INTS6: variants seen among roughly 807,000 people sequenced by gnomAD.
The protein encoded by INTS6 is DEAD box protein.
A neutral mutation model predicts 104.9 loss-of-function variants in INTS6; 16 were observed. The observed-to-expected ratio is 0.15, with a 90% CI of 0.10 to 0.23. INTS6 has a LOEUF of 0.23. Ranked by LOEUF, INTS6 falls within the 10% of genes least tolerant of loss-of-function variation. The probability of loss-of-function intolerance (pLI) is 1.00; values close to 1 mark genes in which losing one functional copy is unlikely to be tolerated. For synonymous variants in INTS6, 324 were observed against 358.7 expected, an observed-to-expected ratio of 0.90 and a Z score of 1.09; for missense variants, 584 against 1,062.8, an observed-to-expected ratio of 0.55 and a Z score of 6.26.
chr13:51,369,101 C>G lies in INTS6; in HGVS notation c.2314G>C (p.Glu772Gln). The G allele has an allele frequency of 6.2e-7, 1 of 1,613,784 alleles. No homozygotes were observed. Among genetic ancestry groups the G allele is most frequent in the Non-Finnish European group, 8.5e-7 (1 of 1,179,822 alleles). ...TTATCTCTTGGCTCCTCATGATTTT[C>G]TAAAAATCCACCAACAGTGAGGTCA... is the stretch of plus-strand genomic sequence containing the variant. ...TNDLTVGGFL[E>Q]NHEEPRDKEQ... Residue 772 changes from glutamate (E) to glutamine (Q), a missense_variant, in exon 16 of 18, where the codon GAA (glutamate) becomes CAA (glutamine). Transcript: ENST00000311234.
intron 4 of INTS6, among the ~76,000 whole-genome samples, chr13:51,414,000 G>C (rs1476337953): frequency 6.6e-6 from 1 of 152,156 alleles, no homozygotes. Context: ...CCCAAGCAGG[G>C]ATTAGTTTCC....
At chr13:51,372,671 A>T (rs970877700) in intron 15 of INTS6, among the ~76,000 whole-genome samples, 5 of 151,936 alleles carry the variant, frequency 3.3e-5, no homozygotes, top group African/African-American at 1.2e-4. Flanking sequence ...TTCTTCTTCC[A>T]CCCACCCAGT....
At chr13:51,403,039 T>C (rs1409356261) in intron 4 of INTS6, among the ~76,000 whole-genome samples, 1 of 152,230 alleles carries the variant, frequency 6.6e-6, no homozygotes, top group Non-Finnish European at 1.5e-5. Context: ...ACCTTTTAGC[T>C]AGCTCATTGT....
chr13:51,427,189 C>T (rs1052035150), intron 4 of INTS6, among the ~76,000 whole-genome samples: 1 of 152,086 alleles, frequency 6.6e-6, no homozygotes, highest in East Asian at 1.9e-4. Flanking sequence ...ATAGGTCATA[C>T]CAACACCAGC....
intron 4 of INTS6, chr13:51,402,791 C>T (rs1189240945): frequency 6.6e-6 from 1 of 152,160 alleles, no homozygotes; most frequent in East Asian, 1.9e-4. Flanking sequence ...ATAAAACCTA[C>T]TTCTCCATTG....
rs1409477651 is a variant in INTS6, at chr13:51,361,808, A to G, written c.*3944T>C. On this transcript the variant is annotated 3_prime_UTR_variant, in exon 18 of 18. Transcript: ENST00000311234. ...AATGGAATTTTTCTTTCTTTCCTGC[A>G]GCTCTGTTGTTATTGAAAAGGTCTC... The G allele has an allele frequency of 5.7e-6, 9 of 1,583,350 alleles. No homozygotes were observed. Among genetic ancestry groups the G allele is most frequent in the Non-Finnish European group, 7.7e-6 (9 of 1,170,248 alleles).
chr13:51,406,992 T>A (rs970135768), intron 4 of INTS6, among the ~76,000 whole-genome samples: 1 of 151,784 alleles, frequency 6.6e-6, no homozygotes, highest in African/African-American at 2.4e-5. Context: ...AATGTGCCCC[T>A]GGGAAGCCAA....
At chr13:51,429,840 A>T (rs982931150) in intron 4 of INTS6, among the ~76,000 whole-genome samples, 2 of 148,552 alleles carry the variant, frequency 1.3e-5, no homozygotes, top group African/African-American at 2.5e-5. Flanking sequence ...AGAAAACAAA[A>T]ATGTCGAAAA....
At chr13:51,358,181 C>T (rs1194460967), downstream of INTS6, among the ~76,000 whole-genome samples, 1 of 152,000 alleles carries the variant, frequency 6.6e-6, no homozygotes. Context: ...GCCCCCTCTC[C>T]CTAACACTTA....
At chr13:51,367,382 C>T (rs539375849) in intron 17 of INTS6, among the ~76,000 whole-genome samples, 40 of 151,996 alleles carry the variant, frequency 2.6e-4, no homozygotes, top group Non-Finnish European at 5.3e-4. Context: ...CTGAAACAAT[C>T]AGAATAAGGC....
chr13:51,442,415 G>A (rs539645249), intron 3 of INTS6: 12 of 152,482 alleles, frequency 7.9e-5, no homozygotes, highest in African/African-American at 2.9e-4. Flanking sequence ...GGGATTACTA[G>A]GCATGAACCA....
chr13:51,451,845 G>A (rs1953060568), intron 2 of INTS6, 133 bp downstream of exon 2: 1 of 557,402 alleles, frequency 1.8e-6, no homozygotes, highest in Admixed American at 2.4e-5. Context: ...CCGCAGGGAA[G>A]AGACCTCAGC....
chr13:51,364,297 C>A lies in INTS6; in HGVS notation c.*1455G>T. On this transcript the variant is annotated 3_prime_UTR_variant, in exon 18 of 18. Transcript: ENST00000311234. ...CCCTAGACTAAATGCATGTTCTCCACTTTCATCAATGCTTTTCTTCATAAA... is the reference window on the plus strand; with the variant it reads ...CCCTAGACTAAATGCATGTTCTCCAATTTCATCAATGCTTTTCTTCATAAA... 7.1e-7 allele frequency: 1 copy of A among 1,405,174 alleles called. No individual in the cohort carries two copies. Among genetic ancestry groups the A allele is most frequent in the Non-Finnish European group, 9.6e-7 (1 of 1,038,542 alleles). 87.0% of individuals were successfully genotyped at this position (1,405,174 alleles called of 1,614,324 possible).
intron 4 of INTS6, among the ~76,000 whole-genome samples, chr13:51,398,726 G>A (rs1341811130): frequency 2.8e-5 from 4 of 141,008 alleles, no homozygotes; most frequent in Non-Finnish European, 4.6e-5. Context: ...TGTATAAGAT[G>A]TTTAAAAAAA....
At chr13:51,347,218 G>A in the INTS6 span, 62 of 1,613,608 alleles carry the variant, frequency 3.8e-5, no homozygotes, top group East Asian at 3.6e-4. Flanking sequence ...TGCACCAAAC[G>A]ACCGAGGTCA....
chr13:51,369,309 A>T lies in INTS6; in HGVS notation c.2106T>A (p.Ile702=). 6.3e-7 allele frequency: 1 copy of T among 1,595,182 alleles called. No individual in the cohort carries two copies. The highest frequency in any genetic ancestry group is 1.3e-5 in the African/African-American group (1 of 74,424). ...DLIKPLPLHK[I]SETTNDSIIH... is the part of the protein sequence containing the mutation. ...TTATCGAATCATTAGTGGTTTCTGAAACTAAAAACAAAGATACGGGGAAAA... is the reference window on the plus strand; with the variant it reads ...TTATCGAATCATTAGTGGTTTCTGATACTAAAAACAAAGATACGGGGAAAA... The change falls in exon 16 of 18, where the codon ATT becomes ATA. Residue 702 remains isoleucine (I), a splice_region_variant and synonymous_variant. Transcript: ENST00000311234.
the INTS6 span, among the ~76,000 whole-genome samples, chr13:51,347,540 T>A: frequency 6.6e-6 from 1 of 152,200 alleles, no homozygotes; most frequent in Non-Finnish European, 1.5e-5. Flanking sequence ...GCAGGCACAA[T>A]AGGCCGGGAT....
chr13:51,377,878 A>G (rs1161815182), intron 12 of INTS6, among the ~76,000 whole-genome samples: 1 of 152,108 alleles, frequency 6.6e-6, no homozygotes, highest in Non-Finnish European at 1.5e-5. Context: ...ATCTGTAACC[A>G]TGAGTACTCA....
chr13:51,374,264 G>A lies in INTS6; in HGVS notation c.2048C>T (p.Pro683Leu). Residue 683 changes from proline (P) to leucine (L), a missense_variant, in exon 15 of 18, where the codon CCT becomes CTT. Physicochemically the swap from Pro to Leu is moderately conservative, Grantham distance 98 (BLOSUM62 -3). Transcript: ENST00000311234. Reference protein sequence around the residue: ...VNNHIGGKGPPAPTTQAQPDL... With the variant: ...VNNHIGGKGPLAPTTQAQPDL... ...TGGCTGTGCTTGAGTTGTAGGTGCA[G>A]GTGGTCCTTTTCCCCCAATATGATT... 6.2e-7 allele frequency: 1 copy of A among 1,614,092 alleles called. No homozygotes were observed. Among genetic ancestry groups the A allele is most frequent in the Non-Finnish European group, 8.5e-7 (1 of 1,179,970 alleles).
Sources: allele counts gnomAD v4.1 joint callset (sites outside exome capture counted in the v4.1 genomes callset), GRCh38; gene constraint gnomAD v4.1.1; transcripts MANE v1.5; gene names NCBI Gene and HGNC (gene_info 2026-07-23, HGNC 2026-07-21).